TMEM47: variants seen among roughly 807,000 people sequenced by gnomAD.
TMEM47 encodes brain cell membrane protein 1.
Under a neutral mutation model 12.4 loss-of-function variants are expected in TMEM47, and 3 were observed. The ratio of observed to expected loss-of-function variants is 0.24; its 90% CI spans 0.11 to 0.63. The LOEUF (loss-of-function observed/expected upper bound fraction) is 0.63. TMEM47 is among the 20% of genes least tolerant of loss of function. TMEM47 has a pLI of 0.86. For synonymous variants in TMEM47, 62 were observed against 63.3 expected, an observed-to-expected ratio of 0.98 and a Z score of 0.10; for missense variants, 89 against 143.8, an observed-to-expected ratio of 0.62 and a Z score of 1.95.
intron 2 of TMEM47, among the ~76,000 whole-genome samples, chrX:34,634,326 A>T (rs942445052): frequency 1.8e-5 from 2 of 111,912 alleles, no homozygotes; most frequent in African/African-American, 3.2e-5. Context: ...CATGACGGGA[A>T]TGTAGACCTA....
intron 2 of TMEM47, among the ~76,000 whole-genome samples, chrX:34,635,981 C>T (rs6632038): frequency 0.049 from 5,475 of 111,569 alleles, 178 homozygotes; most frequent in African/African-American, 0.11. Context: ...TGAAGGTATC[C>T]ATTTCTTTTC....
intron 2 of TMEM47, among the ~76,000 whole-genome samples, chrX:34,630,712 A>G (rs889707220): frequency 9.0e-6 from 1 of 110,689 alleles, no homozygotes; most frequent in Non-Finnish European, 1.9e-5. Context: ...ATTAATTAGT[A>G]AATCATTATT....
intron 2 of TMEM47, among the ~76,000 whole-genome samples, chrX:34,631,135 C>A (rs1331636960): frequency 1.2e-5 from 1 of 80,768 alleles, no homozygotes; most frequent in Non-Finnish European, 2.2e-5. Context: ...CATGCCACTG[C>A]ACTCCAGCCT....
intron 1 of TMEM47, among the ~76,000 whole-genome samples, chrX:34,649,821 G>C (rs774209565): frequency 8.9e-6 from 1 of 111,777 alleles, no homozygotes; most frequent in Admixed American, 9.4e-5. Context: ...TGCCTCCCGG[G>C]TTCAAGCGAT....
At chrX:34,637,049 G>A (rs1195785888) in intron 2 of TMEM47, among the ~76,000 whole-genome samples, 6 of 111,708 alleles carry the variant, frequency 5.4e-5, no homozygotes, top group African/African-American at 2.0e-4. Context: ...TTGATAATAC[G>A]GAGAAAATAA....
At chrX:34,639,008 A>G (rs768915746) in intron 2 of TMEM47, among the ~76,000 whole-genome samples, 83 of 112,026 alleles carry the variant, frequency 7.4e-4, no homozygotes, top group Non-Finnish European at 1.3e-3. Context: ...GTCAGGCAGT[A>G]TTATTTGTTC....
chrX:34,630,618 G>A (rs1921599518), intron 2 of TMEM47, 127 bp from the exon 3 acceptor site: 2 of 552,801 alleles, frequency 3.6e-6, no homozygotes, highest in African/African-American at 4.6e-5. Context: ...AAATTTTAAA[G>A]ATGGCTTGTT....
intron 2 of TMEM47, among the ~76,000 whole-genome samples, chrX:34,631,246 A>C (rs2080590974): frequency 9.9e-6 from 1 of 100,743 alleles, no homozygotes; most frequent in Admixed American, 1.1e-4. Flanking sequence ...TTATTTATTT[A>C]TGCTATTAAG....
chrX:34,642,661 T>G (rs529842891), intron 1 of TMEM47, among the ~76,000 whole-genome samples: 1 of 112,152 alleles, frequency 8.9e-6, no homozygotes, highest in Non-Finnish European at 1.9e-5. Context: ...ACAAGGAGAA[T>G]CATCAGCATT....
chrX:34,633,915 C>T (rs890910280), intron 2 of TMEM47, among the ~76,000 whole-genome samples: 2 of 111,121 alleles, frequency 1.8e-5, no homozygotes, highest in Admixed American at 9.6e-5. Context: ...CTGAATTATT[C>T]GACTCCCTTT....
intron 1 of TMEM47, among the ~76,000 whole-genome samples, chrX:34,643,362 ATAT>A (rs1038128988): frequency 1.8e-5 from 2 of 110,982 alleles, no homozygotes; most frequent in Non-Finnish European, 3.8e-5. Context: ...TTTTATAGTA[ATAT>A]TATAAGAGAC....
rs202092862 is a variant in TMEM47 at position 34,653,860 on chromosome X, A to AT, written c.226+2943dup. On this transcript the variant is annotated intron_variant, in intron 1 of 2. Coordinates refer to ENST00000275954, the MANE Select transcript of TMEM47 (RefSeq NM_031442.4). ...CTAAACTTCCTAACAAGCACACTTT[A>AT]TTTTTTTTTTCTCTTTCCACCATTA... Among the ~76,000 whole-genome samples, 889 of 108,259 alleles carry AT rather than the reference A, an allele frequency of 8.2e-3. 11 individuals are homozygous for AT. Among genetic ancestry groups the AT allele is most frequent in the African/African-American group, 0.028 (837 of 29,784 alleles). 94.0% of individuals were successfully genotyped at this position (108,259 alleles called of 115,157 possible). A position where few individuals can be genotyped will look rare whatever the true frequency, so the allele number is the denominator to read the frequency against.
rs766055892 is a variant in TMEM47, at chrX:34,637,481, TA to T, written c.367+1765del. Among the ~76,000 whole-genome samples, 3 of 111,747 alleles carry T rather than the reference TA, an allele frequency of 2.7e-5. No homozygotes were observed. The South Asian group carries it at 1.1e-3, about 42-fold the overall frequency. On this transcript the variant is annotated intron_variant, in intron 2 of 2. Coordinates refer to ENST00000275954, the MANE Select transcript of TMEM47 (RefSeq NM_031442.4). ...GTGCCCAACATATTTATTAAATAAA[TA>T]AAAACATAAATATATGAAAAAACAT...
At chrX:34,650,587 A>G (rs1278197074) in intron 1 of TMEM47, among the ~76,000 whole-genome samples, 2 of 112,104 alleles carry the variant, frequency 1.8e-5, no homozygotes, top group Admixed American at 1.9e-4. Flanking sequence ...TCTAACTCCA[A>G]CACTTCTCTA....
At chrX:34,652,250 C>A in intron 1 of TMEM47, among the ~76,000 whole-genome samples, 1 of 111,765 alleles carries the variant, frequency 8.9e-6, no homozygotes, top group Non-Finnish European at 1.9e-5. Flanking sequence ...GCCCTCAGAA[C>A]CAGAAGTGGT....
rs377283932 is a variant in TMEM47, at chrX:34,649,019, T to A, written c.226+7785A>T. ...AGATACCATCTCACACCAGTCAGAA[T>A]GGCTTCTATTAAAAAGTCAAAAAAT... On this transcript the variant is annotated intron_variant, in intron 1 of 2. Coordinates refer to ENST00000275954, the MANE Select transcript of TMEM47 (RefSeq NM_031442.4). Among the ~76,000 whole-genome samples the A allele has an allele frequency of 2.2e-4, 25 of 112,132 alleles. 1 individual carries two copies. The East Asian group carries it at 6.5e-3, about 29-fold the overall frequency.
intron 1 of TMEM47, among the ~76,000 whole-genome samples, chrX:34,650,766 T>G (rs909924896): frequency 2.7e-5 from 3 of 112,285 alleles, no homozygotes; most frequent in African/African-American, 9.7e-5. Context: ...CCTTGGTTGT[T>G]TGAGACTAAA....
In TMEM47 at chrX:34,627,294, A is replaced by G. The variant is rs1208472466; in HGVS notation, c.*3019T>C. The G allele has an allele frequency of 8.9e-6, 1 of 112,328 alleles. No individual in the cohort carries two copies. Among genetic ancestry groups the G allele is most frequent in the Non-Finnish European group, 1.9e-5 (1 of 53,205 alleles). 9.3% of individuals were successfully genotyped at this position (112,328 alleles called of 1,213,427 possible). ...TATATTTAAAAATAATAAATATAGA[A>G]TAGCAGTACAGAAACTAATAGCATA... On this transcript the variant is annotated 3_prime_UTR_variant, in exon 3 of 3. Coordinates refer to ENST00000275954, the MANE Select transcript of TMEM47 (RefSeq NM_031442.4).
In TMEM47 at chrX:34,648,898, G is replaced by A. The variant is rs145333614; in HGVS notation, c.226+7906C>T. ...GAACGGGCAAATGACATGAACAGACGCTTTTCAAAAGAAGACATACATGTG... is the reference window on the plus strand; with the variant it reads ...GAACGGGCAAATGACATGAACAGACACTTTTCAAAAGAAGACATACATGTG... On this transcript the variant is annotated intron_variant, in intron 1 of 2. Transcript: ENST00000275954. Among the ~76,000 whole-genome samples the A allele has an allele frequency of 2.8e-3, 312 of 111,794 alleles. 2 individuals are homozygous for A. The highest frequency in any genetic ancestry group is 9.7e-3 in the African/African-American group (298 of 30,810).
Sources: allele counts gnomAD v4.1 joint callset (sites outside exome capture counted in the v4.1 genomes callset), GRCh38; gene constraint gnomAD v4.1.1; transcripts MANE v1.5; gene names NCBI Gene and HGNC (gene_info 2026-07-23, HGNC 2026-07-21).